Variants in CRTAM observed in about 807,000 individuals in gnomAD.
The protein encoded by CRTAM is cytotoxic and regulatory T-cell molecule.
Under a neutral mutation model 50.0 loss-of-function variants are expected in CRTAM, and 44 were observed. The ratio of observed to expected loss-of-function variants is 0.88; its 90% confidence interval spans 0.69 to 1.13. The LOEUF (loss-of-function observed/expected upper bound fraction) is 1.13, where lower values mean the gene tolerates loss of function less well. Among genes scored for constraint, CRTAM ranks in the 50% most tolerant of loss-of-function variants. The pLI is 0.00. For synonymous variants in CRTAM, 159 were observed against 169.3 expected, an observed-to-expected ratio of 0.94 and a Z score of 0.47; for missense variants, 448 against 457.5, an observed-to-expected ratio of 0.98 and a Z score of 0.19.
At chr11:122,855,628 G>A in intron 4 of CRTAM, 67 bp from the exon 5 acceptor site, 1 of 1,354,810 alleles carries the variant, frequency 7.4e-7, no homozygotes, top group Non-Finnish European at 1.0e-6. Context: ...AAGGCCATTG[G>A]CCTCTAATAG....
intron 5 of CRTAM, among the ~76,000 whole-genome samples, chr11:122,859,090 T>C (rs1862040362): frequency 6.6e-6 from 1 of 152,186 alleles, no homozygotes; most frequent in Non-Finnish European, 1.5e-5. Flanking sequence ...ATCTGCTACA[T>C]GTTAACAGAA....
intron 9 of CRTAM, among the ~76,000 whole-genome samples, 189 bp downstream of exon 9, chr11:122,868,288 C>G (rs1181211319): frequency 6.7e-6 from 1 of 149,368 alleles, no homozygotes; most frequent in Non-Finnish European, 1.5e-5. Flanking sequence ...TGGAGGCTGA[C>G]AAGTCCTTGG....
At chr11:122,861,821 A>G (rs1050730062) in intron 5 of CRTAM, among the ~76,000 whole-genome samples, 2 of 152,092 alleles carry the variant, frequency 1.3e-5, no homozygotes, top group African/African-American at 2.4e-5. Flanking sequence ...AACCTGTTCA[A>G]TGACTGGTAA....
intron 1 of CRTAM, among the ~76,000 whole-genome samples, chr11:122,839,156 TC>T (rs1861769881): frequency 6.6e-6 from 1 of 152,198 alleles, no homozygotes; most frequent in East Asian, 1.9e-4. Context: ...ATGGTCTCAA[TC>T]TCCTGACCTC....
At chr11:122,862,424 C>G in intron 5 of CRTAM, 40 bp from the exon 6 acceptor site, 1 of 1,282,292 alleles carries the variant, frequency 7.8e-7, no homozygotes, top group Non-Finnish European at 1.1e-6. Flanking sequence ...GGTAAAACTG[C>G]TCTCTATAGT....
At chr11:122,865,424 G>A (rs990867107) in intron 7 of CRTAM, among the ~76,000 whole-genome samples, 1 of 150,842 alleles carries the variant, frequency 6.6e-6, no homozygotes, top group Admixed American at 6.6e-5. Flanking sequence ...TTTTTTTCTG[G>A]TTTTGTTTTG....
chr11:122,858,489 C>T (rs1177983177), intron 5 of CRTAM, among the ~76,000 whole-genome samples: 1 of 152,082 alleles, frequency 6.6e-6, no homozygotes, highest in African/African-American at 2.4e-5. Flanking sequence ...GCCTGCCTCC[C>T]AAAGTGTTGG....
At chr11:122,857,005 C>G (rs1565290546) in intron 5 of CRTAM, among the ~76,000 whole-genome samples, 1 of 151,070 alleles carries the variant, frequency 6.6e-6, no homozygotes, top group Non-Finnish European at 1.5e-5. Flanking sequence ...TTCCTAAAGA[C>G]ATTCAGGTTC....
rs775161741 is a variant in CRTAM at position 122,850,119 on chromosome 11, C to G, written c.98C>G (p.Thr33Arg). ...ACCATCACCGTGGAGGAAGGCCAGACGCTCACTCTAAAGTGTGTCACTTCT... is the reference window on the plus strand; with the variant it reads ...ACCATCACCGTGGAGGAAGGCCAGAGGCTCACTCTAAAGTGTGTCACTTCT... The part of the protein sequence containing the change: ...TETITVEEGQ[T>R]LTLKCVTSLR... The change falls in exon 2 of 10, where the codon ACG becomes AGG. Residue 33 changes from threonine (T) to arginine (R), a missense_variant. Physicochemically the swap from Thr to Arg is moderately conservative, Grantham distance 71. Coordinates refer to ENST00000227348, the MANE Select transcript of CRTAM (RefSeq NM_019604.4). 6.2e-7 allele frequency: 1 copy of G among 1,613,340 alleles called. No homozygotes were observed. The highest frequency in any genetic ancestry group is 2.2e-5 in the East Asian group (1 of 44,888).
rs988979486 is a variant in CRTAM at position 122,859,619 on chromosome 11, A to C, written c.653-2845A>C. ...TATAAAAATTCAATCTCACACAAAT[A>C]TATAATTGGAAAAGGGTAGAATATT... On this transcript the variant is annotated intron_variant, in intron 5 of 9. Coordinates refer to ENST00000227348, the MANE Select transcript of CRTAM (RefSeq NM_019604.4). 3.2e-4 allele frequency among the ~76,000 whole-genome samples: 49 copies of C among 152,226 alleles called. 1 individual carries two copies. The highest frequency in any genetic ancestry group is 2.9e-5 in the Non-Finnish European group (2 of 68,042).
intron 9 of CRTAM, among the ~76,000 whole-genome samples, chr11:122,870,045 A>G (rs980130742): frequency 1.3e-5 from 2 of 152,128 alleles, no homozygotes; most frequent in Non-Finnish European, 2.9e-5. Context: ...AGCTGGAAAA[A>G]TGGAAGCCCT....
chr11:122,841,349 G>C (rs553560180), intron 1 of CRTAM, among the ~76,000 whole-genome samples: 1 of 151,860 alleles, frequency 6.6e-6, no homozygotes, highest in Non-Finnish European at 1.5e-5. Flanking sequence ...AACAGTTAAA[G>C]AGCAAAGTTA....
intron 9 of CRTAM, among the ~76,000 whole-genome samples, chr11:122,869,201 A>G (rs1284671687): frequency 6.6e-6 from 1 of 152,166 alleles, no homozygotes; most frequent in Non-Finnish European, 1.5e-5. Context: ...TTGACGTCAC[A>G]CACAGGGATA....
intron 1 of CRTAM, among the ~76,000 whole-genome samples, chr11:122,842,601 G>A (rs1331860657): frequency 1.3e-5 from 2 of 152,174 alleles, no homozygotes; most frequent in Admixed American, 1.3e-4. Context: ...GTTTTAAAAT[G>A]TAATCCTAGA....
chr11:122,848,299 T>C (rs1591349368), intron 1 of CRTAM, among the ~76,000 whole-genome samples: 2 of 152,346 alleles, frequency 1.3e-5, no homozygotes, highest in East Asian at 3.9e-4. Flanking sequence ...AAAAATCCCT[T>C]AGAAGAAATT....
intron 1 of CRTAM, among the ~76,000 whole-genome samples, chr11:122,848,247 C>T (rs1861890234): frequency 6.6e-6 from 1 of 152,194 alleles, no homozygotes; most frequent in Admixed American, 6.5e-5. Flanking sequence ...CATGAGAACA[C>T]AAAATAGGGA....
In CRTAM at chr11:122,853,250, T is replaced by C. The variant is rs556272242; in HGVS notation, c.347-693T>C. 3.3e-5 allele frequency among the ~76,000 whole-genome samples: 5 copies of C among 151,784 alleles called. No homozygotes were observed. In the South Asian group the frequency reaches 1.0e-3, roughly 32 times the overall value. ...GCCCAGCTAATTTTTGTATTTTTAG[T>C]AGAGATGGGGTTTCACCATGTTGGT... is the stretch of plus-strand genomic sequence containing the variant. On this transcript the variant is annotated intron_variant, in intron 3 of 9. Transcript: ENST00000227348.
Position 122,862,505 on chromosome 11 carries a change from T to G in CRTAM, c.694T>G (p.Ser232Ala). 3 of 1,613,082 alleles carry G rather than the reference T, an allele frequency of 1.9e-6. No individual in the cohort carries two copies. Among genetic ancestry groups the G allele is most frequent in the Non-Finnish European group, 2.5e-6 (3 of 1,179,050 alleles). ...ETASDALERN[S>A]LSSQDPQQPT... The stretch of plus-strand genomic sequence containing the variant: ...AGCTTCAGATGCTCTGGAGAGAAAC[T>G]CTCTATCCTCTCAAGACCCACAGCA... Residue 232 changes from serine to alanine, a missense_variant, in exon 6 of 10, where the codon TCT becomes GCT. Ser to Ala is a moderately conservative substitution (Grantham distance 99). Transcript: ENST00000227348.
chr11:122,857,772 G>A lies in CRTAM; in HGVS notation c.652+1916G>A, dbSNP rs117298601. On this transcript the variant is annotated intron_variant, in intron 5 of 9. Coordinates refer to ENST00000227348, the MANE Select transcript of CRTAM (RefSeq NM_019604.4). ...CTCTGCATGGAAGGACCTGGGTAAA[G>A]TGAGGGTCATGCCAGCACCAGGACT... 6.5e-4 allele frequency among the ~76,000 whole-genome samples: 99 copies of A among 152,332 alleles called. 2 individuals are homozygous for A. The East Asian group carries it at 0.014, about 22-fold the overall frequency.
Sources: allele counts gnomAD v4.1 joint callset (sites outside exome capture counted in the v4.1 genomes callset), GRCh38; gene constraint gnomAD v4.1.1; transcripts MANE v1.5; gene names NCBI Gene and HGNC (gene_info 2026-07-23, HGNC 2026-07-21).